The following RASSF8 variants were observed in gnomAD, a reference collection of about 807,000 sequenced individuals.
The protein encoded by RASSF8 is ras association domain-containing protein 8.
Under a neutral mutation model 48.5 loss-of-function variants are expected in RASSF8, and 22 were observed. That is an observed-to-expected ratio of 0.45 (90% confidence interval 0.32 to 0.65). The LOEUF (loss-of-function observed/expected upper bound fraction) is 0.65, where lower values mean the gene tolerates loss of function less well. RASSF8 is among the 30% of genes least tolerant of loss of function. The probability of loss-of-function intolerance (pLI) is 0.03; values close to 1 mark genes in which losing one functional copy is unlikely to be tolerated. For synonymous variants in RASSF8, 127 were observed against 171.5 expected, an observed-to-expected ratio of 0.74 and a Z score of 2.03; for missense variants, 418 against 489.2, an observed-to-expected ratio of 0.85 and a Z score of 1.37.
Position 25,959,147 on chromosome 12 carries a change from GAGTA to G in RASSF8, c.-203+4_-203+7del, listed in dbSNP as rs1220561096. 2.0e-5 allele frequency: 3 copies of G among 151,834 alleles called. No homozygotes were observed. The highest frequency in any genetic ancestry group is 2.9e-5 in the Non-Finnish European group (2 of 67,946). The allele number at this position is 151,834 out of a possible 1,614,324, so 9.4% of individuals were successfully genotyped here. A position where few individuals can be genotyped will look rare whatever the true frequency, so the allele number is the denominator to read the frequency against. On this transcript the variant is annotated splice_donor_variant and splice_donor_region_variant and 5_prime_UTR_variant and intron_variant, in exon 1 of 6. Coordinates refer to ENST00000689635, the MANE Select transcript of RASSF8 (RefSeq NM_001394098.1). LOFTEE classifies it low-confidence loss of function (5UTR_SPLICE). Reference sequence around the variant, plus strand: ...GCGGGGGCGGCGCAGTTGCGAAACTGAGTAAGTATTAACTTTACTTAGCGGCGGC... The same window carrying G: ...GCGGGGGCGGCGCAGTTGCGAAACTGAGTATTAACTTTACTTAGCGGCGGC...
At chr12:26,066,673 A>G (rs1216905253) in intron 4 of RASSF8, among the ~76,000 whole-genome samples, 1 of 152,192 alleles carries the variant, frequency 6.6e-6, no homozygotes, top group African/African-American at 2.4e-5. Flanking sequence ...CCCACTGAAA[A>G]GTGTCTGATA....
Position 25,958,734 on chromosome 12 carries a change from CTCCTACGCCCGCGCTCG to C in RASSF8, c.-613_-597del, listed in dbSNP as rs1941143560. 6.8e-6 allele frequency among the ~76,000 whole-genome samples: 1 copy of C among 146,456 alleles called. No homozygotes were observed. Among genetic ancestry groups the C allele is most frequent in the South Asian group, 2.1e-4 (1 of 4,800 alleles). On this transcript the variant is annotated 5_prime_UTR_variant, in exon 1 of 6. Coordinates refer to ENST00000689635, the MANE Select transcript of RASSF8 (RefSeq NM_001394098.1). ...GTCGCCGACTCCTACGCCCGCGCTC[CTCCTACGCCCGCGCTCG>C]TCCGGCGCCCCGCGCCGCGCCCCGC...
intron 2 of RASSF8, among the ~76,000 whole-genome samples, chr12:26,024,259 C>T (rs147950662): frequency 6.6e-6 from 1 of 152,228 alleles, no homozygotes; most frequent in Non-Finnish European, 1.5e-5. Flanking sequence ...CCCCAGCCTC[C>T]CCAAATGCTA....
At chr12:26,078,900 A>G (rs1302512310) in intron 5 of RASSF8, 3 of 720,612 alleles carry the variant, frequency 4.2e-6, no homozygotes, top group Non-Finnish European at 6.1e-6. Context: ...AGGTTCTCAA[A>G]AAAAAAGGCG....
intron 2 of RASSF8, among the ~76,000 whole-genome samples, chr12:26,030,975 C>A (rs1213951666): frequency 1.3e-5 from 2 of 152,130 alleles, no homozygotes; most frequent in African/African-American, 4.8e-5. Flanking sequence ...CCATAACTTG[C>A]AGACCCCTTC....
At chr12:26,048,886 T>G (rs2137201584) in intron 2 of RASSF8, among the ~76,000 whole-genome samples, 1 of 152,308 alleles carries the variant, frequency 6.6e-6, no homozygotes, top group South Asian at 2.1e-4. Flanking sequence ...CCCTAGTAGC[T>G]GGGATTACAG....
At chr12:26,016,855 T>C (rs1333705990) in intron 2 of RASSF8, among the ~76,000 whole-genome samples, 2 of 152,212 alleles carry the variant, frequency 1.3e-5, no homozygotes, top group African/African-American at 2.4e-5. Context: ...AATGAAAATA[T>C]CATCTGAAGT....
At position 26,006,026 on chromosome 12, in the gene RASSF8, T is replaced by C. The variant is rs115642156; in HGVS notation, c.-109+10896T>C. On this transcript the variant is annotated intron_variant, in intron 2 of 5. Coordinates refer to ENST00000689635, the MANE Select transcript of RASSF8 (RefSeq NM_001394098.1). ...TAAACCTTTCTCTTCCGTTGGTTTC[T>C]GTTAAAAGACAAATATGGGTGCATA... Among the ~76,000 whole-genome samples, 466 of 152,316 alleles carry C rather than the reference T, an allele frequency of 3.1e-3. 6 individuals are homozygous for C. Among genetic ancestry groups the C allele is most frequent in the African/African-American group, 0.011 (446 of 41,566 alleles).
Position 26,065,151 on chromosome 12 carries a change from G to C in RASSF8, c.757G>C (p.Glu253Gln). 1 of 1,613,934 alleles carries C rather than the reference G, an allele frequency of 6.2e-7. No homozygotes were observed. The highest frequency in any genetic ancestry group is 8.5e-7 in the Non-Finnish European group (1 of 1,179,958). The change falls in exon 4 of 6, where the codon GAA (glutamate) becomes CAA (glutamine). Residue 253 changes from glutamate to glutamine, a missense_variant. Glu to Gln is a conservative substitution (Grantham distance 29, BLOSUM62 2). Coordinates refer to ENST00000689635, the MANE Select transcript of RASSF8 (RefSeq NM_001394098.1). ...TCAAGAAATAAGACAGAAAATAACAGAATGTGAAAACAAATTAAAGGACTA... is the reference window on the plus strand; with the variant it reads ...TCAAGAAATAAGACAGAAAATAACACAATGTGAAAACAAATTAAAGGACTA... ...QLQEIRQKIT[E>Q]CENKLKDYLA... is the part of the protein sequence containing the mutation.
chr12:25,984,750 A>G (rs147120256), intron 1 of RASSF8, among the ~76,000 whole-genome samples: 113 of 152,350 alleles, frequency 7.4e-4, no homozygotes, highest in Admixed American at 1.1e-3. Flanking sequence ...AGGAGCTTCA[A>G]GGTAACTTTT....
At chr12:25,995,460 C>T (rs1333845574) in intron 2 of RASSF8, among the ~76,000 whole-genome samples, 1 of 152,120 alleles carries the variant, frequency 6.6e-6, no homozygotes, top group African/African-American at 2.4e-5. Flanking sequence ...GCTTTCTGAG[C>T]ACTATTCTAC....
rs200110587 is a variant in RASSF8 at position 25,965,055 on chromosome 12, GC to G, written c.-203+5909del. Among the ~76,000 whole-genome samples, 934 of 151,856 alleles carry G rather than the reference GC, an allele frequency of 6.2e-3. 13 individuals carry two copies. Among genetic ancestry groups the G allele is most frequent in the Non-Finnish European group, 7.2e-3 (492 of 67,940 alleles). On this transcript the variant is annotated intron_variant, in intron 1 of 5. Transcript: ENST00000689635. ...CCTCCCGGGTTCATGCCATTCTCCC[GC>G]CTCAGCCTCCTGAGTAGCTGGGACT...
chr12:26,020,508 T>C lies in RASSF8; in HGVS notation c.-109+25378T>C, dbSNP rs553106260. 6 of 152,302 alleles carry C rather than the reference T, an allele frequency of 3.9e-5. No individual in the cohort carries two copies. The East Asian group carries it at 1.2e-3, about 29-fold the overall frequency. 9.4% of individuals were successfully genotyped at this position (152,302 alleles called of 1,614,324 possible). On this transcript the variant is annotated intron_variant, in intron 2 of 5. Coordinates refer to ENST00000689635, the MANE Select transcript of RASSF8 (RefSeq NM_001394098.1). ...AAACCAACCATAAGAGAAAACACTTTACAAAGAGATTGAAACTTTTTTTTT... is the reference window on the plus strand; with the variant it reads ...AAACCAACCATAAGAGAAAACACTTCACAAAGAGATTGAAACTTTTTTTTT...
downstream of RASSF8, among the ~76,000 whole-genome samples, chr12:26,073,745 C>A (rs375805964): frequency 2.1e-5 from 1 of 48,644 alleles, no homozygotes; most frequent in South Asian, 6.4e-4. Flanking sequence ...CTCTCTCTCT[C>A]TATACACACA....
At chr12:25,958,571 C>G (rs1941135924), upstream of RASSF8, 2 of 147,956 alleles carry the variant, frequency 1.4e-5, no homozygotes, top group African/African-American at 2.4e-5. Context: ...GAGGGGGGCG[C>G]CCCCGCGCCG....
chr12:26,025,768 T>A (rs939510483), intron 2 of RASSF8, among the ~76,000 whole-genome samples: 9 of 152,056 alleles, frequency 5.9e-5, no homozygotes, highest in Non-Finnish European at 8.8e-5. Context: ...AAAAATGAAA[T>A]TCAGAAAATA....
intron 2 of RASSF8, among the ~76,000 whole-genome samples, chr12:25,996,398 A>G (rs982658982): frequency 6.6e-6 from 1 of 152,204 alleles, no homozygotes; most frequent in Non-Finnish European, 1.5e-5. Flanking sequence ...TCTTTTATAC[A>G]TTAATTATTT....
chr12:26,065,379 C>T lies in RASSF8; in HGVS notation c.985C>T (p.Arg329Cys), dbSNP rs746967473. The stretch of plus-strand genomic sequence containing the variant: ...AAGATCTCTTGGACAAGCCACCAAA[C>T]GCTTACAGGTAGGGACACTTTGATA... ...VERSLGQATK[R>C]LQDKEQELEQ... Residue 329 changes from arginine (R) to cysteine (C), a missense_variant, in exon 4 of 6, where the codon CGC (arginine) becomes TGC (cysteine). Coordinates refer to ENST00000689635, the MANE Select transcript of RASSF8 (RefSeq NM_001394098.1). 114 of 1,609,758 alleles carry T rather than the reference C, an allele frequency of 7.1e-5. No individual in the cohort carries two copies. Among genetic ancestry groups the T allele is most frequent in the Admixed American group, 1.5e-4 (9 of 59,462 alleles).
At chr12:26,037,379 A>G (rs1389186291) in intron 2 of RASSF8, among the ~76,000 whole-genome samples, 1 of 152,140 alleles carries the variant, frequency 6.6e-6, no homozygotes, top group Non-Finnish European at 1.5e-5. Context: ...TAAAAAGTAA[A>G]CGCTATACAA....
Sources: gnomAD v4.1 joint callset for allele counts (sites outside exome capture counted in the v4.1 genomes callset) on GRCh38, gnomAD v4.1.1 for gene constraint, MANE v1.5 for transcripts, NCBI Gene and HGNC (gene_info 2026-07-23, HGNC 2026-07-21) for gene names.